The following SIRT5 variants were observed in gnomAD, a reference collection of about 807,000 sequenced individuals.
SIRT5 encodes NAD-dependent protein deacylase sirtuin-5, mitochondrial.
Under a neutral mutation model 40.0 loss-of-function variants are expected in SIRT5, and 26 were observed. That is an observed-to-expected ratio of 0.65 (90% CI 0.48 to 0.90). The LOEUF (loss-of-function observed/expected upper bound fraction) is 0.90, where lower values mean the gene tolerates loss of function less well. Among genes scored for constraint, SIRT5 ranks in the 40% least tolerant of loss-of-function variants. SIRT5 has a pLI of 0.00. For synonymous variants in SIRT5, 146 were observed against 149.1 expected, an observed-to-expected ratio of 0.98 and a Z score of 0.15; for missense variants, 401 against 402.4, an observed-to-expected ratio of 1.00 and a Z score of 0.03.
rs1372609632 is a variant in SIRT5 at position 13,596,731 on chromosome 6, C to T, written c.564-232C>T. Among the ~76,000 whole-genome samples the T allele has an allele frequency of 5.3e-5, 8 of 152,324 alleles. No individual in the cohort carries two copies. In the South Asian group the frequency reaches 1.7e-3, roughly 32 times the overall value. On this transcript the variant is annotated intron_variant, in intron 6 of 9. Coordinates refer to ENST00000606117, the MANE Select transcript of SIRT5 (RefSeq NM_012241.5). ...TGAACTTCTGGCCTCAAGCAGTCCT[C>T]CCACTTTGGCCTCACCAAATGCTGG...
intron 3 of SIRT5, among the ~76,000 whole-genome samples, chr6:13,584,708 C>T (rs1274080494): frequency 2.6e-5 from 4 of 152,218 alleles, no homozygotes; most frequent in African/African-American, 9.6e-5. Flanking sequence ...CTCCTTAATA[C>T]TCAAGTCCAT....
rs557536291 is a variant in SIRT5, at chr6:13,582,237, A to G, written c.-35-1839A>G. ...CTCCTTACATAGCGTTTCCCACCCT[A>G]TACTCAATTCTTTTTACTAATTTCT... is the stretch of plus-strand genomic sequence containing the variant. On this transcript the variant is annotated intron_variant, in intron 2 of 9. Coordinates refer to ENST00000606117, the MANE Select transcript of SIRT5 (RefSeq NM_012241.5). Among the ~76,000 whole-genome samples the G allele has an allele frequency of 2.4e-4, 36 of 152,278 alleles. No individual in the cohort carries two copies. The South Asian group carries it at 7.1e-3, about 30-fold the overall frequency.
intron 6 of SIRT5, among the ~76,000 whole-genome samples, chr6:13,596,104 C>A (rs1249787072): frequency 6.6e-6 from 1 of 152,202 alleles, no homozygotes; most frequent in Non-Finnish European, 1.5e-5. Flanking sequence ...TTTGTACACA[C>A]AATGAGTTCG....
At chr6:13,588,226 A>C in intron 3 of SIRT5, 105 bp from the exon 4 acceptor site, 1 of 1,372,402 alleles carries the variant, frequency 7.3e-7, no homozygotes, top group Admixed American at 2.2e-5. Context: ...TGTTTATCTT[A>C]AAGTATAACT....
chr6:13,611,207 GTATATATATATATA>G, intron 9 of SIRT5, among the ~76,000 whole-genome samples: 1 of 93,596 alleles, frequency 1.1e-5, no homozygotes, highest in East Asian at 2.7e-4. Flanking sequence ...GTGTGTGTGT[GTATATATATATATA>G]TATATATATA....
At chr6:13,606,257 C>T (rs966135129) in intron 9 of SIRT5, among the ~76,000 whole-genome samples, 2 of 152,126 alleles carry the variant, frequency 1.3e-5, no homozygotes, top group African/African-American at 4.8e-5. Context: ...GGAGCAGAGG[C>T]CCCTCAGTGT....
At chr6:13,599,671 C>A (rs927290941) in intron 8 of SIRT5, among the ~76,000 whole-genome samples, 13 of 152,176 alleles carry the variant, frequency 8.5e-5, no homozygotes, top group African/African-American at 3.1e-4. Flanking sequence ...TTTATTGGAA[C>A]TCAGCCACAC....
intron 9 of SIRT5, among the ~76,000 whole-genome samples, chr6:13,610,044 T>C (rs1445403269): frequency 6.6e-6 from 1 of 152,170 alleles, no homozygotes; most frequent in Non-Finnish European, 1.5e-5. Flanking sequence ...CATAACTCAC[T>C]GCAGCTTCAA....
At position 13,599,041 on chromosome 6, in the gene SIRT5, G is replaced by C. The variant is rs1487612558; in HGVS notation, c.627G>C (p.Glu209Asp). Reference sequence around the variant, plus strand: ...GATCCCATTCTTCCAGGTGTGAAGAGGCAGGCTGCGGGGGCTTGCTGCGAC... The same window carrying C: ...GATCCCATTCTTCCAGGTGTGAAGACGCAGGCTGCGGGGGCTTGCTGCGAC... ...IPVEKLPRCE[E>D]AGCGGLLRPH... The change falls in exon 8 of 10, where the codon GAG (glutamate) becomes GAC (aspartate). Residue 209 changes from glutamate (E) to aspartate (D), a missense_variant. Glu to Asp is a conservative substitution (Grantham distance 45, BLOSUM62 2). Coordinates refer to ENST00000606117, the MANE Select transcript of SIRT5 (RefSeq NM_012241.5). 3 of 1,613,892 alleles carry C rather than the reference G, an allele frequency of 1.9e-6. No homozygotes were observed. Among genetic ancestry groups the C allele is most frequent in the East Asian group, 4.5e-5 (2 of 44,876 alleles).
At chr6:13,585,140 T>C (rs569388008) in intron 3 of SIRT5, 5 of 152,338 alleles carry the variant, frequency 3.3e-5, no homozygotes, top group Admixed American at 2.0e-4. Flanking sequence ...AGAGCTTTAG[T>C]GTGATTGGTG....
At chr6:13,602,498 C>A (rs1762525956) in intron 9 of SIRT5, among the ~76,000 whole-genome samples, 1 of 146,364 alleles carries the variant, frequency 6.8e-6, no homozygotes. Flanking sequence ...AAAACTCCGT[C>A]TCAAAAAAAA....
chr6:13,578,641 A>G (rs2841508), intron 1 of SIRT5, among the ~76,000 whole-genome samples: 40,359 of 139,416 alleles, frequency 0.29, 6,615 homozygotes, highest in African/African-American at 0.31. Flanking sequence ...AAAAAAAGAA[A>G]ATAATTGGTA....
chr6:13,611,290 A>C (rs926728207), intron 9 of SIRT5, among the ~76,000 whole-genome samples: 1 of 148,978 alleles, frequency 6.7e-6, no homozygotes, highest in Non-Finnish European at 1.5e-5. Context: ...TACACAAAAA[A>C]GTATGTATTG....
chr6:13,588,223 C>G, intron 3 of SIRT5, 108 bp from the exon 4 acceptor site: 1 of 1,362,248 alleles, frequency 7.3e-7, no homozygotes, highest in East Asian at 2.3e-5. Flanking sequence ...GTTTGTTTAT[C>G]TTAAAGTATA....
In SIRT5 at chr6:13,579,480, A is replaced by T. The variant is rs1759059765; in HGVS notation, c.-165A>T. 1 of 152,234 alleles carries T rather than the reference A, an allele frequency of 6.6e-6. No homozygotes were observed. The highest frequency in any genetic ancestry group is 2.4e-5 in the African/African-American group (1 of 41,462). 9.4% of individuals were successfully genotyped at this position (152,234 alleles called of 1,614,324 possible). ...TGGAAATGTTTTCTAACATATAAAA[A>T]CCTACAGAAGAAGAAAATAATTTTC... is the stretch of plus-strand genomic sequence containing the variant. On this transcript the variant is annotated 5_prime_UTR_variant, in exon 2 of 10. Transcript: ENST00000606117.
chr6:13,601,081 T>G, intron 9 of SIRT5, 132 bp downstream of exon 9: 26 of 611,164 alleles, frequency 4.3e-5, no homozygotes, highest in Non-Finnish European at 3.6e-5. Flanking sequence ...TGATCTGCAG[T>G]TGCTTTTATG....
intron 3 of SIRT5, among the ~76,000 whole-genome samples, chr6:13,588,107 C>T (rs558724092): frequency 6.4e-4 from 97 of 152,256 alleles, no homozygotes; most frequent in African/African-American, 2.1e-3. Flanking sequence ...GGCAGAGCTG[C>T]GGTGCAGAGC....
chr6:13,591,689 C>G lies in SIRT5; in HGVS notation c.270C>G (p.Ala90=). 6.3e-7 allele frequency: 1 copy of G among 1,593,372 alleles called. No individual in the cohort carries two copies. Residue 90 remains alanine (A), a synonymous_variant, in exon 5 of 10, where the codon GCC becomes GCG. Coordinates refer to ENST00000606117, the MANE Select transcript of SIRT5 (RefSeq NM_012241.5). ...CCCAGGACCTGGCGACTCCCCTGGC[C>G]TTTGCCCACAACCCGTCCCGGGTGT... is the stretch of plus-strand genomic sequence containing the variant. ...WQAQDLATPL[A]FAHNPSRVWE... is the part of the protein sequence containing the mutation.
intron 5 of SIRT5, among the ~76,000 whole-genome samples, 177 bp downstream of exon 5, chr6:13,592,071 C>T (rs1760989023): frequency 6.6e-6 from 1 of 152,170 alleles, no homozygotes; most frequent in South Asian, 2.1e-4. Flanking sequence ...GGGCAGCTGC[C>T]TTTGGCCATG....
Sources: allele counts gnomAD v4.1 joint callset (sites outside exome capture counted in the v4.1 genomes callset), GRCh38; gene constraint gnomAD v4.1.1; transcripts MANE v1.5; gene names NCBI Gene and HGNC (gene_info 2026-07-23, HGNC 2026-07-21).